The following HDAC9 variants were observed in gnomAD, a reference collection of about 807,000 sequenced individuals.
The protein encoded by HDAC9 is histone deacetylase 9, also known as MEF-2 interacting transcription repressor (MITR) protein.
Under a neutral mutation model 139.4 loss-of-function variants are expected in HDAC9, and 41 were observed. That is an observed-to-expected ratio of 0.29 (90% CI 0.23 to 0.38). The LOEUF (loss-of-function observed/expected upper bound fraction) is 0.38, where lower values mean the gene tolerates loss of function less well. Ranked by LOEUF, HDAC9 falls within the 10% of genes least tolerant of loss-of-function variation. The pLI is 1.00. For synonymous variants in HDAC9, 517 were observed against 476.2 expected (o/e 1.09, Z -1.12); for missense variants, 1,147 against 1,297.0 (o/e 0.88, Z 1.78).
intron 1 of HDAC9, among the ~76,000 whole-genome samples, chr7:18,098,007 A>G (rs1386414243): frequency 1.3e-5 from 2 of 152,198 alleles, no homozygotes; most frequent in African/African-American, 2.4e-5. Context: ...ATGTCTGAAT[A>G]TTCTTTTTCT....
Position 18,733,723 on chromosome 7 carries a change from T to G in HDAC9, c.1909+5966T>G, listed in dbSNP as rs1021607637. Among the ~76,000 whole-genome samples the G allele has an allele frequency of 2.6e-5, 4 of 152,000 alleles. No individual in the cohort carries two copies. The East Asian group carries it at 7.7e-4, about 29-fold the overall frequency. ...CATATATATTTTTTTGGGGGTATGC[T>G]TTTTATACCTAAGAATTTCATCCTA... On this transcript the variant is annotated intron_variant, in intron 13 of 25. Transcript: ENST00000686413.
chr7:18,854,579 G>T (rs767486977), intron 21 of HDAC9, among the ~76,000 whole-genome samples: 1 of 151,738 alleles, frequency 6.6e-6, no homozygotes, highest in Non-Finnish European at 1.5e-5. Context: ...GGAGGGTAGA[G>T]AAAATATAGA....
intron 7 of HDAC9, among the ~76,000 whole-genome samples, chr7:18,629,791 T>C (rs998051167): frequency 2.0e-5 from 3 of 152,130 alleles, no homozygotes; most frequent in Non-Finnish European, 2.9e-5. Flanking sequence ...GAGAATATAA[T>C]TTTTAATGAA....
At chr7:18,691,246 A>G (rs1782651525) in intron 12 of HDAC9, among the ~76,000 whole-genome samples, 1 of 152,016 alleles carries the variant, frequency 6.6e-6, no homozygotes, top group South Asian at 2.1e-4. Flanking sequence ...TAAGAGGGTT[A>G]CCTGCTACTT....
chr7:18,810,122 C>A (rs563938667), intron 17 of HDAC9, among the ~76,000 whole-genome samples: 66 of 151,882 alleles, frequency 4.3e-4, no homozygotes, highest in African/African-American at 1.5e-3. Context: ...CAGACACTTA[C>A]ATGTGGGTTC....
intron 1 of HDAC9, among the ~76,000 whole-genome samples, chr7:18,339,690 G>T (rs1455237625): frequency 2.0e-5 from 3 of 151,182 alleles, no homozygotes; most frequent in Admixed American, 2.0e-4. Flanking sequence ...CATATTTTAA[G>T]ATTTTAACAT....
intron 1 of HDAC9, among the ~76,000 whole-genome samples, chr7:18,410,916 A>G (rs1788485874): frequency 6.6e-6 from 1 of 152,226 alleles, no homozygotes; most frequent in Non-Finnish European, 1.5e-5. Context: ...AGCAAGCTCA[A>G]TGTTATAGGA....
intron 14 of HDAC9, among the ~76,000 whole-genome samples, chr7:18,758,012 G>A (rs1789034003): frequency 6.6e-6 from 1 of 152,152 alleles, no homozygotes; most frequent in Non-Finnish European, 1.5e-5. Flanking sequence ...AGTGCTCAGT[G>A]AGCATAGCTC....
chr7:18,266,415 G>GT (rs78210721), intron 2 of HDAC9, among the ~76,000 whole-genome samples: 2 of 151,804 alleles, frequency 1.3e-5, no homozygotes, highest in Non-Finnish European at 2.9e-5. Flanking sequence ...AAGTAAAAAT[G>GT]TTTTTTCTGT....
intron 6 of HDAC9, among the ~76,000 whole-genome samples, chr7:18,628,879 A>G (rs1388989711): frequency 6.6e-6 from 1 of 152,154 alleles, no homozygotes; most frequent in African/African-American, 2.4e-5. Flanking sequence ...GACATAAATT[A>G]TATGCTGCAG....
rs1010910404 is a variant in HDAC9 at position 18,461,542 on chromosome 7, GCTCT to G, written c.-41-34717_-41-34714del. Reference sequence around the variant, plus strand: ...CTCATTTTGTTAGCAGCTGTATTATGCTCTCTAATAATACAATTTCTTTTTTATT... The same window carrying G: ...CTCATTTTGTTAGCAGCTGTATTATGCTAATAATACAATTTCTTTTTTATT... On this transcript the variant is annotated intron_variant, in intron 1 of 3. Coordinates refer to the HDAC9 transcript ENST00000413509. 5.9e-5 allele frequency among the ~76,000 whole-genome samples: 9 copies of G among 152,126 alleles called. 1 individual carries two copies. The highest frequency in any genetic ancestry group is 1.4e-4 in the African/African-American group (6 of 41,514).
chr7:18,896,706 G>A (rs1801232885), intron 22 of HDAC9, among the ~76,000 whole-genome samples: 2 of 151,944 alleles, frequency 1.3e-5, no homozygotes, highest in East Asian at 3.9e-4. Flanking sequence ...TTATTTTTAG[G>A]TATAAAGGTC....
chr7:18,415,544 C>G (rs953761776), intron 1 of HDAC9, among the ~76,000 whole-genome samples: 1 of 152,188 alleles, frequency 6.6e-6, no homozygotes, highest in Non-Finnish European at 1.5e-5. Context: ...ACATAATTAT[C>G]TTTTTGGTCT....
At chr7:18,533,258 T>G (rs1239512001) in intron 2 of HDAC9, among the ~76,000 whole-genome samples, 2 of 152,196 alleles carry the variant, frequency 1.3e-5, no homozygotes, top group East Asian at 3.8e-4. Flanking sequence ...TCCGGGAGTT[T>G]CCAGCCTTCT....
Position 18,591,473 on chromosome 7 carries a change from GTA to G in HDAC9, c.416-41_416-40del, listed in dbSNP as rs144005835. 1.2e-3 allele frequency: 1,787 copies of G among 1,460,632 alleles called. 15 individuals carry two copies. In the African/African-American group the frequency reaches 0.023, roughly 19 times the overall value. The allele number at this position is 1,460,632 out of a possible 1,614,324, so 90.5% of individuals were successfully genotyped here. ...ACCATCAACATCTGTTTCTGTGTGT[GTA>G]TGTGTGTGTGTGTGTGTGTGTGTGT... On this transcript the variant is annotated intron_variant, in intron 4 of 25. Transcript: ENST00000686413.
rs5882676 is a variant in HDAC9 at position 18,795,257 on chromosome 7, T to TAAAAAAAAAAAAAAAA, written c.2322+1818_2322+1833dup. ...ATGGTTTAAAAAGAAAAGAAAACAG[T>TAAAAAAAAAAAAAAAA]AAAAAAAAAAAAAAAAAAAAAAAAA... On this transcript the variant is annotated intron_variant, in intron 17 of 25. Transcript: ENST00000686413. Among the ~76,000 whole-genome samples the TAAAAAAAAAAAAAAAA allele has an allele frequency of 2.5e-3, 161 of 65,488 alleles. 2 individuals are homozygous for TAAAAAAAAAAAAAAAA. The highest frequency in any genetic ancestry group is 8.8e-3 in the African/African-American group (128 of 14,492). The allele number at this position is 65,488 out of a possible 152,430, so 43.0% of individuals were successfully genotyped here.
At chr7:18,284,275 TGC>T (rs1562833672) in intron 2 of HDAC9, among the ~76,000 whole-genome samples, 1 of 152,144 alleles carries the variant, frequency 6.6e-6, no homozygotes, top group African/African-American at 2.4e-5. Flanking sequence ...AACACACATA[TGC>T]ACACACATAT....
intron 25 of HDAC9, among the ~76,000 whole-genome samples, chr7:18,978,161 T>TA (rs1784670482): frequency 6.6e-6 from 1 of 152,148 alleles, no homozygotes; most frequent in African/African-American, 2.4e-5. Context: ...ATCAGAGAGC[T>TA]AAATGGATGG....
chr7:18,461,353 T>TAA (rs1793831629), intron 1 of HDAC9, among the ~76,000 whole-genome samples: 1 of 152,194 alleles, frequency 6.6e-6, no homozygotes, highest in Non-Finnish European at 1.5e-5. Flanking sequence ...GTTAAAATGG[T>TAA]AAAGGGAGAA....
Sources: allele counts gnomAD v4.1 joint callset (sites outside exome capture counted in the v4.1 genomes callset), GRCh38; gene constraint gnomAD v4.1.1; transcripts MANE v1.5; gene names NCBI Gene and HGNC (gene_info 2026-07-23, HGNC 2026-07-21).